Variants in NOX4 observed in about 807,000 individuals in gnomAD.
NOX4 encodes the protein kidney oxidase-1.
A neutral mutation model predicts 87.6 loss-of-function variants in NOX4; 69 were observed. The observed-to-expected ratio is 0.79, with a 90% CI of 0.65 to 0.96. The LOEUF (loss-of-function observed/expected upper bound fraction) is 0.96. NOX4 is among the 40% of genes least tolerant of loss of function. The pLI is 0.00. For missense variants in NOX4, 680 were observed against 681.5 expected (o/e 1.00, Z 0.02); for synonymous variants, 275 against 238.2 (o/e 1.15, Z -1.42).
Position 89,474,441 on chromosome 11 carries a change from C to T in NOX4, c.153+16017G>A, listed in dbSNP as rs185286798. 3.2e-3 allele frequency among the ~76,000 whole-genome samples: 443 copies of T among 139,340 alleles called. 2 individuals are homozygous for T. Among genetic ancestry groups the T allele is most frequent in the African/African-American group, 9.9e-3 (361 of 36,334 alleles). 91.4% of individuals were successfully genotyped at this position (139,340 alleles called of 152,430 possible). The stretch of plus-strand genomic sequence containing the variant: ...AAATTTCTACAAGGATATTCACTGC[C>T]GTATGATCTATAATACCAAAAAAAA... On this transcript the variant is annotated intron_variant, in intron 2 of 17. Transcript: ENST00000263317.
the NOX4 span, among the ~76,000 whole-genome samples, chr11:89,532,328 G>C: frequency 6.6e-6 from 1 of 152,180 alleles, no homozygotes; most frequent in Non-Finnish European, 1.5e-5. Flanking sequence ...AAGGCCTTGG[G>C]AGCCCACCCC....
At chr11:89,443,702 T>C in intron 5 of NOX4, 1 of 153,516 alleles carries the variant, frequency 6.5e-6, no homozygotes. Flanking sequence ...CTCACTAACA[T>C]TTTTTAAGTC....
At chr11:89,421,320 G>A (rs1482758772) in intron 8 of NOX4, among the ~76,000 whole-genome samples, 1 of 152,020 alleles carries the variant, frequency 6.6e-6, no homozygotes, top group Non-Finnish European at 1.5e-5. Context: ...CCATGTTTTT[G>A]AGTATACTGC....
chr11:89,391,238 A>C (rs1941101152), intron 11 of NOX4, among the ~76,000 whole-genome samples: 1 of 152,180 alleles, frequency 6.6e-6, no homozygotes, highest in African/African-American at 2.4e-5. Context: ...TGGGATGCTC[A>C]TAAAAGGAAA....
chr11:89,430,355 G>A (rs1185872368), intron 7 of NOX4, among the ~76,000 whole-genome samples: 1 of 152,126 alleles, frequency 6.6e-6, no homozygotes, highest in Non-Finnish European at 1.5e-5. Context: ...TCTGGCCAGG[G>A]CAATCAGGCA....
chr11:89,502,521 A>C (rs1333477001), upstream of NOX4, among the ~76,000 whole-genome samples: 1 of 152,064 alleles, frequency 6.6e-6, no homozygotes, highest in Non-Finnish European at 1.5e-5. Context: ...CTGGATTGCT[A>C]AATGACCTCC....
the NOX4 span, among the ~76,000 whole-genome samples, chr11:89,580,488 A>T: frequency 1.3e-5 from 2 of 152,198 alleles, no homozygotes; most frequent in African/African-American, 4.8e-5. Flanking sequence ...AGCCTAAAAT[A>T]TGCGGTTTAA....
rs141198784 is a variant in NOX4, at chr11:89,325,115, C to CTTTTTTTTTTTTTTTTTT, written c.*1623_*1640dup. 3.3e-4 allele frequency: 25 copies of CTTTTTTTTTTTTTTTTTT among 76,328 alleles called. 4 individuals are homozygous for CTTTTTTTTTTTTTTTTTT. Among genetic ancestry groups the CTTTTTTTTTTTTTTTTTT allele is most frequent in the African/African-American group, 9.6e-4 (17 of 17,730 alleles). 4.7% of individuals were successfully genotyped at this position (76,328 alleles called of 1,614,324 possible). A position where few individuals can be genotyped will look rare whatever the true frequency, so the allele number is the denominator to read the frequency against. Reference sequence around the variant, plus strand: ...ACTAAACTGTATGAATGCTTTAATTCTTTTTTTTTTTTTTTTTTTTTTTTT... The same window carrying CTTTTTTTTTTTTTTTTTT: ...ACTAAACTGTATGAATGCTTTAATTCTTTTTTTTTTTTTTTTTTTTTTTTTTTTTTTTTTTTTTTTTTT... On this transcript the variant is annotated 3_prime_UTR_variant, in exon 18 of 18. Coordinates refer to ENST00000263317, the MANE Select transcript of NOX4 (RefSeq NM_016931.5).
chr11:89,338,259 C>T (rs191752217), intron 15 of NOX4, among the ~76,000 whole-genome samples: 234 of 152,120 alleles, frequency 1.5e-3, no homozygotes, highest in South Asian at 5.4e-3. Flanking sequence ...TTTTTGCTTT[C>T]GTGTCTGGCA....
rs575611110 is a variant in NOX4, at chr11:89,348,387, C to T, written c.1218-6194G>A. Reference sequence around the variant, plus strand: ...CAGAGATTGTACCATTGCACTCCAACCTGGGTAACAGAGTAAGACTCCATC... The same window carrying T: ...CAGAGATTGTACCATTGCACTCCAATCTGGGTAACAGAGTAAGACTCCATC... On this transcript the variant is annotated intron_variant, in intron 13 of 17. Transcript: ENST00000263317. 4.0e-5 allele frequency among the ~76,000 whole-genome samples: 6 copies of T among 151,842 alleles called. No individual in the cohort carries two copies. The East Asian group carries it at 1.2e-3, about 29-fold the overall frequency.
intron 2 of NOX4, among the ~76,000 whole-genome samples, chr11:89,472,040 C>T (rs1313984534): frequency 2.6e-5 from 4 of 152,046 alleles, no homozygotes; most frequent in African/African-American, 9.7e-5. Context: ...CTGCACCTGG[C>T]CTTTATTACC....
At chr11:89,407,131 A>G (rs751038522) in intron 8 of NOX4, among the ~76,000 whole-genome samples, 2 of 152,166 alleles carry the variant, frequency 1.3e-5, no homozygotes, top group African/African-American at 2.4e-5. Context: ...TAGATCTCTA[A>G]TGCATTTCTA....
At chr11:89,549,144 A>T in the NOX4 span, among the ~76,000 whole-genome samples, 1 of 152,214 alleles carries the variant, frequency 6.6e-6, no homozygotes, top group African/African-American at 2.4e-5. Flanking sequence ...TGTGGAAATC[A>T]TCTTGCATAT....
the NOX4 span, among the ~76,000 whole-genome samples, chr11:89,504,463 A>G: frequency 6.6e-6 from 1 of 151,968 alleles, no homozygotes; most frequent in Non-Finnish European, 1.5e-5. Flanking sequence ...GGATGTGGCA[A>G]TAGAGGGTGT....
At chr11:89,388,114 A>C (rs1940844597) in intron 11 of NOX4, among the ~76,000 whole-genome samples, 1 of 152,206 alleles carries the variant, frequency 6.6e-6, no homozygotes, top group South Asian at 2.1e-4. Flanking sequence ...AGTATAGATA[A>C]ACTAGAGTTT....
chr11:89,539,529 A>G, the NOX4 span, among the ~76,000 whole-genome samples: 1 of 152,066 alleles, frequency 6.6e-6, no homozygotes, highest in Non-Finnish European at 1.5e-5. Flanking sequence ...ACTGACAGAC[A>G]TTTCTCTTTT....
intron 12 of NOX4, among the ~76,000 whole-genome samples, chr11:89,370,491 T>C (rs1285051702): frequency 6.6e-6 from 1 of 151,848 alleles, no homozygotes; most frequent in Non-Finnish European, 1.5e-5. Context: ...ATACTAATCA[T>C]ATGTAACGAA....
At chr11:89,490,043 C>T (rs1438295309) in intron 2 of NOX4, among the ~76,000 whole-genome samples, 1 of 152,112 alleles carries the variant, frequency 6.6e-6, no homozygotes. Context: ...TGAGAGTTGT[C>T]AGTAAAAACA....
At chr11:89,581,829 C>A in the NOX4 span, among the ~76,000 whole-genome samples, 5,463 of 152,238 alleles carry the variant, frequency 0.036, 141 homozygotes, top group Non-Finnish European at 0.052. Context: ...TATCTATCAT[C>A]TCCATAAGTT....
Sources: allele counts gnomAD v4.1 joint callset (sites outside exome capture counted in the v4.1 genomes callset), GRCh38; gene constraint gnomAD v4.1.1; transcripts MANE v1.5; gene names NCBI Gene and HGNC (gene_info 2026-07-23, HGNC 2026-07-21).